Variants in EYA4 observed in about 807,000 individuals in gnomAD.
EYA4 encodes the protein protein phosphatase EYA4.
In EYA4, 31 loss-of-function variants were observed where a neutral mutation model predicts 87.9. The observed-to-expected ratio is 0.35, with a 90% CI of 0.27 to 0.48. EYA4 has a LOEUF of 0.48. Ranked by LOEUF, EYA4 falls within the 20% of genes least tolerant of loss-of-function variation. The probability of loss-of-function intolerance (pLI) is 0.99; values close to 1 mark genes in which losing one functional copy is unlikely to be tolerated. For missense variants in EYA4, 678 were observed against 761.4 expected (o/e 0.89, Z 1.29); for synonymous variants, 263 against 270.6 (o/e 0.97, Z 0.28).
At chr6:133,371,776 A>G (rs1307803648) in intron 2 of EYA4, among the ~76,000 whole-genome samples, 2 of 152,162 alleles carry the variant, frequency 1.3e-5, no homozygotes, top group Non-Finnish European at 2.9e-5. Context: ...TTTAACAGGT[A>G]ATGCAGCTGT....
chr6:133,513,109 T>A lies in EYA4; in HGVS notation c.1501+71T>A, dbSNP rs750148081. ...TAGAATTCAATCTGTAGTTTCATGT[T>A]AAAGATGATTCTGCTGTAAAAGAAA... On this transcript the variant is annotated intron_variant, in intron 16 of 19. Transcript: ENST00000355286. The A allele has an allele frequency of 4.9e-6, 7 of 1,415,568 alleles. No homozygotes were observed. The Admixed American group carries it at 8.4e-5, about 17-fold the overall frequency. 87.7% of individuals were successfully genotyped at this position (1,415,568 alleles called of 1,614,324 possible).
intron 7 of EYA4, chr6:133,462,056 T>G (rs1454322944): frequency 4.5e-6 from 2 of 440,664 alleles, no homozygotes; most frequent in African/African-American, 4.0e-5. Context: ...ATTGTAGACC[T>G]GGAAGAGACA....
At chr6:133,300,017 A>G (rs1262119418) in intron 2 of EYA4, among the ~76,000 whole-genome samples, 4 of 151,656 alleles carry the variant, frequency 2.6e-5, no homozygotes, top group Non-Finnish European at 4.4e-5. Flanking sequence ...ACTGTTGACC[A>G]GAAATCTTAC....
intron 13 of EYA4, among the ~76,000 whole-genome samples, chr6:133,491,469 C>T (rs1797145190): frequency 6.6e-6 from 1 of 152,032 alleles, no homozygotes; most frequent in Non-Finnish European, 1.5e-5. Flanking sequence ...AAAAAGGAGA[C>T]GTTACAACTA....
At chr6:133,528,484 T>G (rs1562524042) in intron 19 of EYA4, among the ~76,000 whole-genome samples, 4 of 152,154 alleles carry the variant, frequency 2.6e-5, no homozygotes, top group Admixed American at 2.0e-4. Flanking sequence ...ATGTTAATAT[T>G]TGCTATTATT....
chr6:133,428,911 CTTTTTTTT>C (rs58727159), intron 3 of EYA4, among the ~76,000 whole-genome samples: 50 of 48,224 alleles, frequency 1.0e-3, no homozygotes, highest in African/African-American at 2.1e-3. Flanking sequence ...GATTTAGCTT[CTTTTTTTT>C]TTTTTTTTTT....
At chr6:133,275,430 G>A (rs901585870) in intron 2 of EYA4, among the ~76,000 whole-genome samples, 8 of 152,118 alleles carry the variant, frequency 5.3e-5, no homozygotes, top group East Asian at 1.9e-4. Context: ...ACACCCCCAC[G>A]CCTTCACACT....
chr6:133,371,908 A>G (rs1785294750), intron 2 of EYA4, among the ~76,000 whole-genome samples: 2 of 152,198 alleles, frequency 1.3e-5, no homozygotes, highest in South Asian at 4.1e-4. Flanking sequence ...AATTGTGAGT[A>G]TATCTCAATT....
intron 3 of EYA4, among the ~76,000 whole-genome samples, chr6:133,390,310 C>T (rs1460207777): frequency 1.3e-5 from 2 of 152,088 alleles, no homozygotes; most frequent in Non-Finnish European, 2.9e-5. Flanking sequence ...TCCTCCACCT[C>T]CTAGGTTTGA....
At chr6:133,315,810 T>G (rs987747695) in intron 2 of EYA4, among the ~76,000 whole-genome samples, 2 of 152,228 alleles carry the variant, frequency 1.3e-5, no homozygotes, top group Admixed American at 6.5e-5. Flanking sequence ...TTCCAACTGC[T>G]AAGATTTATA....
In EYA4 at chr6:133,498,138, A is replaced by G. The variant is rs144599683; in HGVS notation, c.1192-7968A>G. Among the ~76,000 whole-genome samples, 153 of 152,364 alleles carry G rather than the reference A, an allele frequency of 1.0e-3. 2 individuals carry two copies. In the East Asian group the frequency reaches 0.025, roughly 25 times the overall value. On this transcript the variant is annotated intron_variant, in intron 13 of 19. Coordinates refer to ENST00000355286, the MANE Select transcript of EYA4 (RefSeq NM_004100.5). ...GCTGATGTTTGTGCATTTGGACTAA[A>G]GAAAACCAACATGGTTTAATAGAAA...
At chr6:133,528,240 G>A (rs1006613505) in intron 19 of EYA4, among the ~76,000 whole-genome samples, 4 of 151,928 alleles carry the variant, frequency 2.6e-5, no homozygotes, top group African/African-American at 9.7e-5. Flanking sequence ...ATGTAGTCCT[G>A]CTTCAAATTA....
At chr6:133,526,457 T>C (rs76071638) in intron 19 of EYA4, among the ~76,000 whole-genome samples, 5,881 of 152,232 alleles carry the variant, frequency 0.039, 372 homozygotes, top group African/African-American at 0.13. Context: ...AAGGAAATGA[T>C]GTATGTTTCT....
At chr6:133,347,923 T>C (rs894865288) in intron 2 of EYA4, among the ~76,000 whole-genome samples, 1 of 152,170 alleles carries the variant, frequency 6.6e-6, no homozygotes, top group Non-Finnish European at 1.5e-5. Context: ...CTGGCTCACA[T>C]TAGAGAATTA....
chr6:133,422,328 A>G (rs1790290704), intron 3 of EYA4, among the ~76,000 whole-genome samples: 1 of 152,232 alleles, frequency 6.6e-6, no homozygotes, highest in Non-Finnish European at 1.5e-5. Flanking sequence ...GAAACAATAT[A>G]TAATATGCTT....
chr6:133,447,778 T>C (rs1019283522), intron 4 of EYA4, among the ~76,000 whole-genome samples: 1 of 152,226 alleles, frequency 6.6e-6, no homozygotes, highest in African/African-American at 2.4e-5. Context: ...TAAACATGCA[T>C]CTGTAATTTC....
chr6:133,380,877 C>T (rs1005356177), intron 2 of EYA4, among the ~76,000 whole-genome samples: 1 of 143,040 alleles, frequency 7.0e-6, no homozygotes, highest in East Asian at 2.0e-4. Flanking sequence ...TCCTCCTCCT[C>T]TTCTTCTTCT....
intron 2 of EYA4, among the ~76,000 whole-genome samples, chr6:133,372,438 C>CT (rs1390542233): frequency 2.7e-5 from 4 of 149,072 alleles, no homozygotes; most frequent in African/African-American, 9.8e-5. Flanking sequence ...GATTTGTAAT[C>CT]TTTTTTTATA....
intron 2 of EYA4, among the ~76,000 whole-genome samples, chr6:133,323,846 T>C (rs1781289507): frequency 6.6e-6 from 1 of 152,130 alleles, no homozygotes; most frequent in African/African-American, 2.4e-5. Context: ...GATTACAAGA[T>C]ACGCCTCAAG....
Sources: allele counts gnomAD v4.1 joint callset (sites outside exome capture counted in the v4.1 genomes callset), GRCh38; gene constraint gnomAD v4.1.1; transcripts MANE v1.5; gene names NCBI Gene and HGNC (gene_info 2026-07-23, HGNC 2026-07-21).